Variants in PRH1 observed in about 807,000 individuals in gnomAD.
PRH1 encodes salivary acidic proline-rich phosphoprotein 1/2.
A neutral mutation model predicts 7.9 loss-of-function variants in PRH1; 7 were observed. The observed-to-expected ratio is 0.89, with a 90% CI of 0.50 to 1.67. PRH1 has a LOEUF of 1.67. Among genes scored for constraint, PRH1 ranks in the 40% most tolerant of loss-of-function variants. PRH1 has a pLI of 0.00. For missense variants in PRH1, 109 were observed against 223.6 expected (o/e 0.49, Z 3.27); for synonymous variants, 45 against 80.8 (o/e 0.56, Z 2.38).
chr12:11,097,513 G>T (rs1218163930), intron 1 of PRH1, among the ~76,000 whole-genome samples: 1 of 114,520 alleles, frequency 8.7e-6, no homozygotes, highest in Admixed American at 8.8e-5. Flanking sequence ...AGTGAAAGGA[G>T]GATTCACTGA....
At chr12:11,032,903 C>T (rs770429773) in intron 1 of PRH1, among the ~76,000 whole-genome samples, 146 of 152,212 alleles carry the variant, frequency 9.6e-4, no homozygotes, top group Non-Finnish European at 5.9e-4. Context: ...GGCTTCCATA[C>T]TGGGGATTCT....
At chr12:11,031,388 G>C in intron 1 of PRH1, 1 of 1,581,400 alleles carries the variant, frequency 6.3e-7, no homozygotes, top group Non-Finnish European at 8.6e-7. Context: ...GTCCGGAGTT[G>C]GTTCCTGCAG....
At chr12:10,907,675 G>T (rs896365990) in intron 2 of PRH1, among the ~76,000 whole-genome samples, 2 of 151,236 alleles carry the variant, frequency 1.3e-5, no homozygotes, top group African/African-American at 4.8e-5. Flanking sequence ...ACTGCAAAGG[G>T]CACTGACATT....
chr12:11,042,723 G>A (rs35969800), intron 1 of PRH1, among the ~76,000 whole-genome samples: 34,128 of 145,768 alleles, frequency 0.23, 4,843 homozygotes, highest in East Asian at 0.55. Flanking sequence ...GCCACCTCCC[G>A]GGTTCACGCC....
At chr12:11,053,580 A>T (rs1292941963) in intron 1 of PRH1, among the ~76,000 whole-genome samples, 1 of 152,268 alleles carries the variant, frequency 6.6e-6, no homozygotes, top group Non-Finnish European at 1.5e-5. Context: ...TACTAATGTA[A>T]CTTTCCCACA....
chr12:11,017,853 C>G (rs114155243), intron 1 of PRH1, among the ~76,000 whole-genome samples: 1 of 152,054 alleles, frequency 6.6e-6, no homozygotes, highest in Admixed American at 6.6e-5. Flanking sequence ...AAGAGAAGCA[C>G]GGCGTTTATT....
intron 1 of PRH1, among the ~76,000 whole-genome samples, chr12:11,003,148 A>G (rs73053768): frequency 0.12 from 18,136 of 152,006 alleles, 1,212 homozygotes; most frequent in Non-Finnish European, 0.15. Flanking sequence ...TTAATTTTTA[A>G]AAGTATAAAA....
chr12:11,115,327 G>A (rs1187453436), intron 1 of PRH1, among the ~76,000 whole-genome samples: 2 of 151,944 alleles, frequency 1.3e-5, no homozygotes, highest in African/African-American at 4.8e-5. Context: ...ATGATAAAGG[G>A]GTCAATTCAT....
intron 1 of PRH1, among the ~76,000 whole-genome samples, chr12:11,110,941 T>C (rs1384777771): frequency 6.6e-6 from 1 of 151,994 alleles, no homozygotes; most frequent in African/African-American, 2.4e-5. Flanking sequence ...AGTCTCAACA[T>C]AAAGGGATGG....
At chr12:11,157,479 T>G (rs1320928766) in intron 1 of PRH1, among the ~76,000 whole-genome samples, 1 of 152,260 alleles carries the variant, frequency 6.6e-6, no homozygotes, top group African/African-American at 2.4e-5. Flanking sequence ...CATTGACTTT[T>G]AAAGCCTCTC....
At chr12:11,096,516 T>C (rs1423619594) in intron 1 of PRH1, among the ~76,000 whole-genome samples, 1 of 115,966 alleles carries the variant, frequency 8.6e-6, no homozygotes, top group African/African-American at 2.9e-5. Context: ...AAAATGGTAA[T>C]GATATTTTTA....
intron 1 of PRH1, among the ~76,000 whole-genome samples, chr12:10,984,149 A>G (rs1188088008): frequency 6.6e-6 from 1 of 152,190 alleles, no homozygotes; most frequent in African/African-American, 2.4e-5. Flanking sequence ...ATCACAATAC[A>G]AATATATCAT....
chr12:11,100,526 C>T (rs750688329), intron 1 of PRH1, among the ~76,000 whole-genome samples: 4 of 152,134 alleles, frequency 2.6e-5, no homozygotes, highest in Non-Finnish European at 5.9e-5. Flanking sequence ...AAAGTATCTC[C>T]ACCACAGCTC....
chr12:10,908,379 T>A, intron 2 of PRH1: 2 of 1,601,990 alleles, frequency 1.2e-6, no homozygotes, highest in Non-Finnish European at 1.7e-6. Flanking sequence ...TATGAAATTG[T>A]GAGTTTCTCA....
intron 1 of PRH1, chr12:10,973,736 A>G (rs763011970): frequency 1.3e-6 from 1 of 779,088 alleles, no homozygotes; most frequent in South Asian, 1.3e-5. Flanking sequence ...GATAAGATAA[A>G]TAAAAGGCCA....
chr12:11,092,024 G>A (rs1279442106), intron 1 of PRH1: 11 of 1,487,152 alleles, frequency 7.4e-6, no homozygotes, highest in Non-Finnish European at 9.2e-6. Flanking sequence ...ATTCAACACA[G>A]TTGAATACCA....
chr12:11,013,648 A>G (rs1941159844), intron 1 of PRH1, among the ~76,000 whole-genome samples: 1 of 152,152 alleles, frequency 6.6e-6, no homozygotes. Flanking sequence ...TAAAATTACT[A>G]TTTTAAATAA....
At chr12:10,943,388 T>G (rs576756051) in intron 2 of PRH1, among the ~76,000 whole-genome samples, 1 of 152,324 alleles carries the variant, frequency 6.6e-6, no homozygotes, top group East Asian at 1.9e-4. Context: ...TTTTGAGAAG[T>G]GTCTGTTCAG....
chr12:10,886,158 G>T (rs151204569), upstream of PRH1, among the ~76,000 whole-genome samples: 1 of 152,170 alleles, frequency 6.6e-6, no homozygotes, highest in Non-Finnish European at 1.5e-5. Context: ...CTCCCAATGC[G>T]TTATGGAGAT....
Sources: allele counts gnomAD v4.1 joint callset (sites outside exome capture counted in the v4.1 genomes callset), GRCh38; gene constraint gnomAD v4.1.1; transcripts MANE v1.5; gene names NCBI Gene and HGNC (gene_info 2026-07-23, HGNC 2026-07-21).